Variants in DPP10 observed in about 807,000 individuals in gnomAD.
DPP10 encodes dipeptidyl peptidase like 10.
In DPP10, 33 loss-of-function variants were observed where a neutral mutation model predicts 120.9. The observed-to-expected ratio is 0.27, with a 90% CI of 0.21 to 0.37. The LOEUF is 0.37. DPP10 is among the 10% of genes least tolerant of loss of function. The pLI is 1.00. For synonymous variants in DPP10, 337 were observed against 326.1 expected, an observed-to-expected ratio of 1.03 and a Z score of -0.36; for missense variants, 816 against 942.8, an observed-to-expected ratio of 0.87 and a Z score of 1.76.
At chr2:114,533,738 T>C (rs1196048629) in intron 1 of DPP10, among the ~76,000 whole-genome samples, 2 of 152,232 alleles carry the variant, frequency 1.3e-5, no homozygotes, top group Non-Finnish European at 2.9e-5. Flanking sequence ...TTTAGACTTT[T>C]AGATCAGAAA....
In DPP10 at chr2:114,771,884, T is replaced by C. The variant is rs1342168015; in HGVS notation, c.60+329046T>C. 2.6e-5 allele frequency among the ~76,000 whole-genome samples: 4 copies of C among 152,148 alleles called. No individual in the cohort carries two copies. The East Asian group carries it at 5.8e-4, about 22-fold the overall frequency. On this transcript the variant is annotated intron_variant, in intron 1 of 25. Transcript: ENST00000410059. The stretch of plus-strand genomic sequence containing the variant: ...TTAATAAACACTTTAGATTTTTTTT[T>C]CCAAGGAAGCAGATTACGTCTTGAA...
intron 19 of DPP10, among the ~76,000 whole-genome samples, chr2:115,803,424 C>G (rs1685512195): frequency 1.3e-5 from 2 of 152,132 alleles, no homozygotes; most frequent in South Asian, 4.1e-4. Context: ...GCATTTAGCC[C>G]ATTGACATTT....
chr2:115,255,170 G>C (rs1279067257), intron 1 of DPP10, among the ~76,000 whole-genome samples: 1 of 152,198 alleles, frequency 6.6e-6, no homozygotes, highest in African/African-American at 2.4e-5. Context: ...TCTAGGCGGA[G>C]GTTCCCAAAT....
chr2:115,746,969 C>T (rs940871338), intron 10 of DPP10, among the ~76,000 whole-genome samples: 1 of 152,118 alleles, frequency 6.6e-6, no homozygotes, highest in Non-Finnish European at 1.5e-5. Flanking sequence ...TTGGTTCCCA[C>T]AGAAATTTCA....
At chr2:115,287,789 A>G (rs1224503191) in intron 1 of DPP10, among the ~76,000 whole-genome samples, 2 of 152,168 alleles carry the variant, frequency 1.3e-5, no homozygotes, top group Non-Finnish European at 2.9e-5. Context: ...ACCTAGGGAC[A>G]TACTTGACCA....
At chr2:115,526,808 G>A (rs2078160445) in intron 5 of DPP10, among the ~76,000 whole-genome samples, 1 of 151,982 alleles carries the variant, frequency 6.6e-6, no homozygotes, top group Non-Finnish European at 1.5e-5. Context: ...CTATTTGATG[G>A]CTTTAGTCTT....
At chr2:114,591,211 T>C (rs947474783) in intron 1 of DPP10, among the ~76,000 whole-genome samples, 1 of 152,220 alleles carries the variant, frequency 6.6e-6, no homozygotes, top group Non-Finnish European at 1.5e-5. Context: ...ATGAACCTTC[T>C]AGGTCAAACT....
chr2:114,652,675 C>G (rs144775157), intron 1 of DPP10, among the ~76,000 whole-genome samples: 3 of 152,274 alleles, frequency 2.0e-5, no homozygotes, highest in East Asian at 3.9e-4. Context: ...GAATTTTATG[C>G]TCTATAAATG....
chr2:115,018,744 G>A (rs759215613), intron 1 of DPP10, among the ~76,000 whole-genome samples: 1 of 152,094 alleles, frequency 6.6e-6, no homozygotes, highest in Non-Finnish European at 1.5e-5. Context: ...GATAGCATTA[G>A]GAGAAATACC....
At chr2:114,760,821 G>T (rs1266140767) in intron 1 of DPP10, among the ~76,000 whole-genome samples, 5 of 152,008 alleles carry the variant, frequency 3.3e-5, no homozygotes, top group Admixed American at 6.6e-5. Context: ...CATAAAGATT[G>T]AATATTGTTT....
intron 1 of DPP10, among the ~76,000 whole-genome samples, chr2:114,964,553 C>G (rs1289804529): frequency 6.6e-6 from 1 of 151,830 alleles, no homozygotes; most frequent in Non-Finnish European, 1.5e-5. Context: ...AAGAATGAAT[C>G]ATGCAGATTT....
intron 1 of DPP10, among the ~76,000 whole-genome samples, chr2:114,594,201 C>T (rs2105180057): frequency 6.6e-6 from 1 of 151,980 alleles, no homozygotes; most frequent in East Asian, 1.9e-4. Context: ...TTCTAGCCTC[C>T]CAGCATACAT....
chr2:115,304,761 T>G (rs1348594184), intron 1 of DPP10, among the ~76,000 whole-genome samples: 6 of 152,102 alleles, frequency 3.9e-5, no homozygotes, highest in African/African-American at 1.4e-4. Flanking sequence ...GATTTTTTCT[T>G]TATTTTGCCA....
chr2:114,624,589 G>T (rs1332521440), intron 1 of DPP10, among the ~76,000 whole-genome samples: 1 of 151,808 alleles, frequency 6.6e-6, no homozygotes, highest in East Asian at 1.9e-4. Flanking sequence ...ACTTAAAAGA[G>T]ACATTTTTAG....
At chr2:115,515,569 AT>A (rs1226321891) in intron 4 of DPP10, among the ~76,000 whole-genome samples, 8 of 152,094 alleles carry the variant, frequency 5.3e-5, no homozygotes, top group Non-Finnish European at 1.0e-4. Flanking sequence ...TGGCAGGAAC[AT>A]TTTAAAAAAA....
chr2:114,850,464 T>C (rs1415875658), intron 1 of DPP10, among the ~76,000 whole-genome samples: 1 of 152,238 alleles, frequency 6.6e-6, no homozygotes, highest in African/African-American at 2.4e-5. Flanking sequence ...GCCAGTTATT[T>C]TTTTAATGTG....
intron 1 of DPP10, among the ~76,000 whole-genome samples, chr2:115,122,997 G>T (rs1211477271): frequency 6.6e-6 from 1 of 152,154 alleles, no homozygotes; most frequent in African/African-American, 2.4e-5. Context: ...ATGTACAGGG[G>T]TTGTACGCCC....
At chr2:115,481,485 T>A (rs761562040) in intron 3 of DPP10, among the ~76,000 whole-genome samples, 2 of 152,134 alleles carry the variant, frequency 1.3e-5, no homozygotes, top group Non-Finnish European at 2.9e-5. Flanking sequence ...GGACTTGGAA[T>A]CGTAATTCAG....
intron 12 of DPP10, among the ~76,000 whole-genome samples, chr2:115,764,259 T>C (rs6750926): frequency 0.53 from 80,499 of 151,794 alleles, 22,812 homozygotes; most frequent in African/African-American, 0.72. Flanking sequence ...TACTGAGTGA[T>C]TAAGAAGAAA....
Sources: allele counts gnomAD v4.1 joint callset (sites outside exome capture counted in the v4.1 genomes callset), GRCh38; gene constraint gnomAD v4.1.1; transcripts MANE v1.5; gene names NCBI Gene and HGNC (gene_info 2026-07-23, HGNC 2026-07-21).